The following TBXA2R variants were observed in gnomAD, a reference collection of about 807,000 sequenced individuals.
TBXA2R encodes the protein thromboxane A2 receptor.
TBXA2R carries 15 observed loss-of-function variants against 15.6 expected under a neutral mutation model. That is an observed-to-expected ratio of 0.96 (90% CI 0.64 to 1.48). The LOEUF (loss-of-function observed/expected upper bound fraction) is 1.48. TBXA2R is among the 40% of genes most tolerant of loss of function. The pLI is 0.00. For missense variants in TBXA2R, 506 were observed against 491.4 expected, an observed-to-expected ratio of 1.03 and a Z score of -0.28; for synonymous variants, 280 against 241.2, an observed-to-expected ratio of 1.16 and a Z score of -1.49.
intron 2 of TBXA2R, among the ~76,000 whole-genome samples, chr19:3,598,350 C>CTTTTTTTT (rs1177792648): frequency 3.5e-5 from 2 of 56,572 alleles, no homozygotes; most frequent in African/African-American, 6.2e-5. Flanking sequence ...CTTTTCTTTT[C>CTTTTTTTT]TTTTTTTTTT....
chr19:3,606,327 C>T (rs982828711), intron 1 of TBXA2R, among the ~76,000 whole-genome samples: 9 of 152,194 alleles, frequency 5.9e-5, no homozygotes, highest in African/African-American at 2.2e-4. Flanking sequence ...CGCACCCAGA[C>T]CCAGCCGCCT....
chr19:3,600,705 G>A lies in TBXA2R; in HGVS notation c.-71C>T. 1 of 1,552,294 alleles carries A rather than the reference G, an allele frequency of 6.4e-7. No homozygotes were observed. The highest frequency in any genetic ancestry group is 1.2e-5 in the South Asian group (1 of 86,700). On this transcript the variant is annotated 5_prime_UTR_variant, in exon 2 of 3. An upstream open reading frame in the 5' UTR gains an earlier in-frame stop. Transcript: ENST00000375190. ...GCTGCAGACAGGGCAGGCTGGCACTGGTTCAGGCACACCTGGGAGGCGAGA... is the reference window on the plus strand; with the variant it reads ...GCTGCAGACAGGGCAGGCTGGCACTAGTTCAGGCACACCTGGGAGGCGAGA...
chr19:3,603,652 G>A (rs1249104503), intron 1 of TBXA2R, among the ~76,000 whole-genome samples: 7 of 152,124 alleles, frequency 4.6e-5, no homozygotes, highest in Admixed American at 3.3e-4. Context: ...TCCACTCACC[G>A]GGGGTCACAC....
intron 2 of TBXA2R, among the ~76,000 whole-genome samples, chr19:3,598,992 CT>C (rs2032657272): frequency 1.3e-5 from 2 of 152,030 alleles, no homozygotes; most frequent in African/African-American, 4.8e-5. Context: ...CTAAGAATTT[CT>C]TTCCATGTTT....
In TBXA2R at chr19:3,594,522, T is replaced by G. The variant is rs548204900; in HGVS notation, c.*1166A>C. The G allele has an allele frequency of 1.4e-4, 26 of 192,358 alleles. No individual in the cohort carries two copies. Among genetic ancestry groups the G allele is most frequent in the African/African-American group, 5.6e-4 (24 of 42,904 alleles). 11.9% of individuals were successfully genotyped at this position (192,358 alleles called of 1,614,324 possible). A position where few individuals can be genotyped will look rare whatever the true frequency, so the allele number is the denominator to read the frequency against. On this transcript the variant is annotated 3_prime_UTR_variant, in exon 3 of 3. Coordinates refer to ENST00000375190, the MANE Select transcript of TBXA2R (RefSeq NM_001060.6). ...TCGCGCCCGGCCCATTTATATCTACTTTTAATGACACACAGATTCAAAGGT... is the reference window on the plus strand; with the variant it reads ...TCGCGCCCGGCCCATTTATATCTACGTTTAATGACACACAGATTCAAAGGT...
At chr19:3,598,538 G>A (rs971538096) in intron 2 of TBXA2R, among the ~76,000 whole-genome samples, 2 of 151,556 alleles carry the variant, frequency 1.3e-5, no homozygotes, top group Admixed American at 6.6e-5. Flanking sequence ...TTTTAGTAGA[G>A]ATGGGGTTTC....
At chr19:3,603,030 C>T (rs141482094) in intron 1 of TBXA2R, among the ~76,000 whole-genome samples, 1,773 of 135,186 alleles carry the variant, frequency 0.013, 34 homozygotes, top group African/African-American at 0.044. Context: ...AGCGAGACTC[C>T]ATCTCAAAAA....
At chr19:3,601,992 C>G (rs1051627786) in intron 1 of TBXA2R, among the ~76,000 whole-genome samples, 1 of 150,990 alleles carries the variant, frequency 6.6e-6, no homozygotes, top group African/African-American at 2.4e-5. Context: ...GAGGCCGAGG[C>G]GGGCGGATCA....
chr19:3,594,991 A>T lies in TBXA2R; in HGVS notation c.*697T>A, dbSNP rs1409071311. On this transcript the variant is annotated 3_prime_UTR_variant, in exon 3 of 3. Coordinates refer to ENST00000375190, the MANE Select transcript of TBXA2R (RefSeq NM_001060.6). ...GCTGCTCGGGAGGCTGAGGCACGAGAATCGCTTGAACCCGGGAGGCGGAGG... is the reference window on the plus strand; with the variant it reads ...GCTGCTCGGGAGGCTGAGGCACGAGTATCGCTTGAACCCGGGAGGCGGAGG... 1 of 1,517,354 alleles carries T rather than the reference A, an allele frequency of 6.6e-7. No homozygotes were observed. The highest frequency in any genetic ancestry group is 8.8e-7 in the Non-Finnish European group (1 of 1,132,130). 94.0% of individuals were successfully genotyped at this position (1,517,354 alleles called of 1,614,324 possible). A position where few individuals can be genotyped will look rare whatever the true frequency, so the allele number is the denominator to read the frequency against.
At position 3,594,700 on chromosome 19, in the gene TBXA2R, C is replaced by G. The variant is rs200899823; in HGVS notation, c.*988G>C. On this transcript the variant is annotated 3_prime_UTR_variant, in exon 3 of 3. Transcript: ENST00000375190. ...TCCTCTATGTCCCTCCCCATCCTTC[C>G]CAGCCCTGCCCTCGTCTGCTCCGGG... The G allele has an allele frequency of 2.4e-5, 17 of 715,420 alleles. No individual in the cohort carries two copies. The highest frequency in any genetic ancestry group is 2.2e-6 in the Non-Finnish European group (1 of 450,514). 44.3% of individuals were successfully genotyped at this position (715,420 alleles called of 1,614,324 possible). A position where few individuals can be genotyped will look rare whatever the true frequency, so the allele number is the denominator to read the frequency against.
In TBXA2R at chr19:3,595,760, C is replaced by G; in HGVS notation, c.960G>C (p.Gln320His). The change falls in exon 3 of 3, where the codon CAG becomes CAC. Residue 320 changes from glutamine (Q) to histidine (H), a missense_variant. Coordinates refer to ENST00000375190, the MANE Select transcript of TBXA2R (RefSeq NM_001060.6). ...LFRRAVLRRLQPRLSTRPRSL... is the reference protein window; with the variant it reads ...LFRRAVLRRLHPRLSTRPRSL... ...ACCTGGGCCGGGTGCTGAGGCGAGG[C>G]TGGAGACGCCGGAGCACGGCGCGGC... is the stretch of plus-strand genomic sequence containing the variant. 1 of 1,608,094 alleles carries G rather than the reference C, an allele frequency of 6.2e-7. No individual in the cohort carries two copies. The highest frequency in any genetic ancestry group is 8.5e-7 in the Non-Finnish European group (1 of 1,177,942).
At position 3,594,721 on chromosome 19, in the gene TBXA2R, C is replaced by A; in HGVS notation, c.*967G>T. 3 of 888,948 alleles carry A rather than the reference C, an allele frequency of 3.4e-6. No individual in the cohort carries two copies. The Admixed American group carries it at 7.8e-5, about 23-fold the overall frequency. 55.1% of individuals were successfully genotyped at this position (888,948 alleles called of 1,614,324 possible). On this transcript the variant is annotated 3_prime_UTR_variant, in exon 3 of 3. Transcript: ENST00000375190. ...CTTCCCAGCCCTGCCCTCGTCTGCT[C>A]CGGGTGAGGCCCAATGCACAAACTC...
intron 1 of TBXA2R, among the ~76,000 whole-genome samples, chr19:3,602,494 T>TG (rs2032756351): frequency 6.6e-6 from 1 of 152,128 alleles, no homozygotes; most frequent in Non-Finnish European, 1.5e-5. Context: ...CCCAGCACTT[T>TG]GGGAAGCCAA....
intron 1 of TBXA2R, among the ~76,000 whole-genome samples, chr19:3,603,050 A>T (rs1346396552): frequency 6.9e-6 from 1 of 145,304 alleles, no homozygotes; most frequent in Non-Finnish European, 1.5e-5. Context: ...AAAAAAAAAA[A>T]GTCGGGGTTG....
Position 3,600,149 on chromosome 19 carries a change from C to T in TBXA2R, c.486G>A (p.Ala162=). 3 of 1,606,848 alleles carry T rather than the reference C, an allele frequency of 1.9e-6. No individual in the cohort carries two copies. Among genetic ancestry groups the T allele is most frequent in the Non-Finnish European group, 2.5e-6 (3 of 1,177,472 alleles). The change falls in exon 2 of 3, where the codon GCG becomes GCA. Residue 162 remains alanine, a synonymous_variant. Coordinates refer to ENST00000375190, the MANE Select transcript of TBXA2R (RefSeq NM_001060.6). The stretch of plus-strand genomic sequence containing the variant: ...CGCCCAGCAGGGGCAGCAGGCCCAG[C>T]GCCAGCGCGGCCGCCCACACCAGCC... ...TVGLVWAAAL[A]LGLLPLLGVG...
In TBXA2R at chr19:3,595,866, G is replaced by T. The variant is rs752175473; in HGVS notation, c.854C>A (p.Thr285Asn). Reference sequence around the variant, plus strand: ...GTAGATGAGCAGCTCCTTCTCCGTGGTGCGGGACAGCTGCCCGGCGGGGCT... The same window carrying T: ...GTAGATGAGCAGCTCCTTCTCCGTGTTGCGGGACAGCTGCCCGGCGGGGCT... ...AMSPAGQLSR[T>N]TEKELLIYLR... Residue 285 changes from threonine (T) to asparagine (N), a missense_variant, in exon 3 of 3, where the codon ACC becomes AAC. By Grantham distance (65) the Thr-to-Asn change is moderately conservative (BLOSUM62 0). Transcript: ENST00000375190. The T allele has an allele frequency of 1.2e-6, 2 of 1,610,158 alleles. No individual in the cohort carries two copies. Among genetic ancestry groups the T allele is most frequent in the Admixed American group, 3.4e-5 (2 of 59,584 alleles).
At position 3,603,554 on chromosome 19, in the gene TBXA2R, G is replaced by A. The variant is rs893004715; in HGVS notation, c.-83-2837C>T. Among the ~76,000 whole-genome samples, 6 of 152,270 alleles carry A rather than the reference G, an allele frequency of 3.9e-5. No homozygotes were observed. In the East Asian group the frequency reaches 5.8e-4, roughly 15 times the overall value. On this transcript the variant is annotated intron_variant, in intron 1 of 2. Coordinates refer to ENST00000375190, the MANE Select transcript of TBXA2R (RefSeq NM_001060.6). ...TGTTTCTGGACATTCCTTGGGACTC[G>A]GCTGTCCCTGCGGCCACTGACCCGA...
intron 1 of TBXA2R, among the ~76,000 whole-genome samples, chr19:3,604,206 T>G (rs1036786157): frequency 2.6e-5 from 4 of 151,496 alleles, no homozygotes; most frequent in Admixed American, 6.6e-5. Flanking sequence ...TCTGCCTGGG[T>G]CCCGGGTTCC....
rs1314018225 is a variant in TBXA2R, at chr19:3,600,407, C to G, written c.228G>C (p.Leu76=). The part of the protein sequence containing the change: ...FLCGLVLTDF[L]GLLVTGTIVV... ...CGATGGTACCGGTCACCAGCAGCCC[C>G]AGGAAGTCGGTGAGGACGAGGCCGC... The change falls in exon 2 of 3, where the codon CTG becomes CTC. Residue 76 remains leucine (L), a synonymous_variant. Coordinates refer to ENST00000375190, the MANE Select transcript of TBXA2R (RefSeq NM_001060.6). 6.2e-7 allele frequency: 1 copy of G among 1,613,386 alleles called. No individual in the cohort carries two copies. The highest frequency in any genetic ancestry group is 1.7e-4 in the Middle Eastern group (1 of 6,054).
Sources: gnomAD v4.1 joint callset for allele counts (sites outside exome capture counted in the v4.1 genomes callset) on GRCh38, gnomAD v4.1.1 for gene constraint, MANE v1.5 for transcripts, NCBI Gene and HGNC (gene_info 2026-07-23, HGNC 2026-07-21) for gene names.